Variants in LITAF observed in about 807,000 individuals in gnomAD.
LITAF encodes lipopolysaccharide-induced tumor necrosis factor-alpha factor.
LITAF carries 9 observed loss-of-function variants against 14.5 expected under a neutral mutation model. The ratio of observed to expected loss-of-function variants is 0.62; its 90% CI spans 0.37 to 1.08. The LOEUF (loss-of-function observed/expected upper bound fraction) is 1.08, where lower values mean the gene tolerates loss of function less well. Ranked by LOEUF, LITAF falls within the 50% of genes least tolerant of loss-of-function variation. The pLI is 0.01. For missense variants in LITAF, 206 were observed against 213.4 expected, an observed-to-expected ratio of 0.97 and a Z score of 0.22; for synonymous variants, 98 against 88.2, an observed-to-expected ratio of 1.11 and a Z score of -0.62.
upstream of LITAF, among the ~76,000 whole-genome samples, chr16:11,591,478 C>G (rs1475032956): frequency 6.6e-6 from 1 of 152,012 alleles, no homozygotes; most frequent in Non-Finnish European, 1.5e-5. Context: ...AGCCACTGCA[C>G]CTGGCCCACA....
intron 1 of LITAF, among the ~76,000 whole-genome samples, chr16:11,595,586 G>A (rs763179171): frequency 2.0e-5 from 3 of 152,090 alleles, no homozygotes; most frequent in South Asian, 2.1e-4. Flanking sequence ...AAAATTAGCC[G>A]GGCATGGTCG....
At chr16:11,571,154 G>A (rs978742812) in intron 1 of LITAF, among the ~76,000 whole-genome samples, 13 of 152,148 alleles carry the variant, frequency 8.5e-5, no homozygotes, top group Middle Eastern at 3.4e-3. Flanking sequence ...TGCAACCTCC[G>A]CCTCCCAGGT....
chr16:11,633,543 A>G (rs2065127027), exon 3 of LITAF: 1 of 151,952 alleles, frequency 6.6e-6, no homozygotes, highest in Non-Finnish European at 1.5e-5. Flanking sequence ...CAAAACCAAG[A>G]CGGCGACGAG....
chr16:11,638,186 T>C (rs1048133269), upstream of LITAF, among the ~76,000 whole-genome samples: 1 of 147,952 alleles, frequency 6.8e-6, no homozygotes, highest in Admixed American at 6.9e-5. Flanking sequence ...GGAACCTGAG[T>C]ACATCACATC....
intron 1 of LITAF, among the ~76,000 whole-genome samples, chr16:11,593,480 GTA>G (rs2064861699): frequency 6.6e-6 from 1 of 151,862 alleles, no homozygotes. Flanking sequence ...CCACTCCAAG[GTA>G]TATACACAAA....
At chr16:11,571,694 A>G (rs1029227899) in intron 1 of LITAF, among the ~76,000 whole-genome samples, 5 of 151,750 alleles carry the variant, frequency 3.3e-5, no homozygotes, top group African/African-American at 1.2e-4. Context: ...GAATGTGGCC[A>G]TCTCTAGGTG....
chr16:11,556,346 C>T (rs2141715326), intron 2 of LITAF, 165 bp downstream of exon 2: 1 of 624,550 alleles, frequency 1.6e-6, no homozygotes, highest in Non-Finnish European at 2.9e-6. Flanking sequence ...GCCTCACCAA[C>T]ATGGAATCTA....
intron 1 of LITAF, among the ~76,000 whole-genome samples, chr16:11,596,706 G>T (rs1314747251): frequency 1.0e-5 from 1 of 98,026 alleles, no homozygotes; most frequent in Non-Finnish European, 2.1e-5. Context: ...CAGGGGGAGA[G>T]GGAGGAGGGG....
intron 3 of LITAF, among the ~76,000 whole-genome samples, chr16:11,611,238 G>A (rs1190378709): frequency 6.6e-6 from 1 of 152,082 alleles, no homozygotes; most frequent in Admixed American, 6.6e-5. Context: ...AGCAACTCGG[G>A]AGGCTGAGCT....
intron 3 of LITAF, among the ~76,000 whole-genome samples, chr16:11,629,610 G>A (rs1489100787): frequency 6.6e-6 from 1 of 152,160 alleles, no homozygotes; most frequent in African/African-American, 2.4e-5. Context: ...CGAAGCAGCC[G>A]GCTCCTTCCT....
chr16:11,578,809 A>T (rs12444280), intron 1 of LITAF, among the ~76,000 whole-genome samples: 23,020 of 152,246 alleles, frequency 0.15, 1,906 homozygotes, highest in South Asian at 0.23. Context: ...AGAATCCCTC[A>T]TCTTCAAAAA....
intron 3 of LITAF, among the ~76,000 whole-genome samples, chr16:11,621,622 C>T (rs1376058148): frequency 6.6e-6 from 1 of 152,162 alleles, no homozygotes; most frequent in East Asian, 1.9e-4. Context: ...AGGGAACATC[C>T]CAGCCCCCTT....
At chr16:11,572,282 C>T (rs1028802582) in intron 1 of LITAF, among the ~76,000 whole-genome samples, 1 of 151,998 alleles carries the variant, frequency 6.6e-6, no homozygotes, top group Non-Finnish European at 1.5e-5. Flanking sequence ...TGGTTCCCCC[C>T]ACCCCTCAAC....
chr16:11,608,111 G>A (rs936200462), intron 3 of LITAF, among the ~76,000 whole-genome samples: 2 of 152,190 alleles, frequency 1.3e-5, no homozygotes, highest in African/African-American at 4.8e-5. Context: ...AGGACACAGA[G>A]CTCTTGCCAT....
intron 3 of LITAF, among the ~76,000 whole-genome samples, chr16:11,630,529 C>A (rs2065111833): frequency 6.6e-6 from 1 of 151,344 alleles, no homozygotes; most frequent in Non-Finnish European, 1.5e-5. Context: ...AGCTTCAGGT[C>A]TCTCTGGCGG....
chr16:11,624,817 C>T (rs1178926895), intron 3 of LITAF, among the ~76,000 whole-genome samples: 1 of 152,160 alleles, frequency 6.6e-6, no homozygotes, highest in African/African-American at 2.4e-5. Flanking sequence ...TGGGTGGCCT[C>T]GAGACTTGCT....
Position 11,594,677 on chromosome 16 carries a change from A to G in LITAF, c.-6+3711T>C, listed in dbSNP as rs2064871139. On this transcript the variant is annotated intron_variant, in intron 1 of 3. Coordinates refer to the LITAF transcript ENST00000571627. ...GATCGCTTGAGGCTAAGAGTTTGAG[A>G]CCAGCGTGGTCAGCATAGTGAAACC... Among the ~76,000 whole-genome samples the G allele has an allele frequency of 2.6e-5, 4 of 152,138 alleles. No homozygotes were observed. The South Asian group carries it at 8.3e-4, about 32-fold the overall frequency.
At chr16:11,607,192 C>G (rs988806920) in intron 3 of LITAF, among the ~76,000 whole-genome samples, 7 of 152,204 alleles carry the variant, frequency 4.6e-5, no homozygotes, top group African/African-American at 1.7e-4. Context: ...ACTCTCAGGG[C>G]AGGTGCCCCA....
At chr16:11,563,947 C>T (rs1034588950) in intron 1 of LITAF, among the ~76,000 whole-genome samples, 1 of 152,072 alleles carries the variant, frequency 6.6e-6, no homozygotes, top group African/African-American at 2.4e-5. Flanking sequence ...CACTCTGTTA[C>T]CCAGGCTGGA....
Sources: allele counts gnomAD v4.1 joint callset (sites outside exome capture counted in the v4.1 genomes callset), GRCh38; gene constraint gnomAD v4.1.1; transcripts MANE v1.5; gene names NCBI Gene and HGNC (gene_info 2026-07-23, HGNC 2026-07-21).